Variants in COL5A2 observed in about 807,000 individuals in gnomAD.
COL5A2 encodes collagen alpha-2(V) chain.
A neutral mutation model predicts 208.2 loss-of-function variants in COL5A2; 23 were observed. The observed-to-expected ratio is 0.11, with a 90% CI of 0.08 to 0.16. The LOEUF (loss-of-function observed/expected upper bound fraction) is 0.16. COL5A2 is among the 10% of genes least tolerant of loss of function. COL5A2 has a pLI of 1.00. For synonymous variants in COL5A2, 625 were observed against 628.5 expected, an observed-to-expected ratio of 0.99 and a Z score of 0.08; for missense variants, 1,590 against 1,956.4, an observed-to-expected ratio of 0.81 and a Z score of 3.53.
At chr2:189,225,585 C>T (rs1456933652), upstream of COL5A2, among the ~76,000 whole-genome samples, 3 of 151,926 alleles carry the variant, frequency 2.0e-5, no homozygotes, top group East Asian at 5.8e-4. Flanking sequence ...GTTTCATTTT[C>T]CCATTTATAA....
At chr2:189,327,566 A>G in the COL5A2 span, among the ~76,000 whole-genome samples, 10 of 152,338 alleles carry the variant, frequency 6.6e-5, no homozygotes, top group Admixed American at 3.3e-4. Context: ...TCAATGGTCT[A>G]TGGTGCTTCC....
At chr2:189,281,297 T>A in the COL5A2 span, among the ~76,000 whole-genome samples, 2 of 152,126 alleles carry the variant, frequency 1.3e-5, no homozygotes, top group Non-Finnish European at 2.9e-5. Flanking sequence ...GTCAAAACAG[T>A]TCATCATAAG....
chr2:189,072,873 T>C lies in COL5A2; in HGVS notation c.1105-780A>G, dbSNP rs76325531. On this transcript the variant is annotated intron_variant, in intron 17 of 53. Coordinates refer to ENST00000374866, the MANE Select transcript of COL5A2 (RefSeq NM_000393.5). Reference sequence around the variant, plus strand: ...TACCCTACATTTGGGAAGGCATGCATAGAATTTAAACCATTGATTAAAAGA... The same window carrying C: ...TACCCTACATTTGGGAAGGCATGCACAGAATTTAAACCATTGATTAAAAGA... Among the ~76,000 whole-genome samples the C allele has an allele frequency of 9.1e-3, 1,386 of 151,618 alleles. 23 individuals are homozygous for C. Among genetic ancestry groups the C allele is most frequent in the African/African-American group, 0.032 (1,303 of 41,324 alleles).
chr2:189,249,578 G>C, the COL5A2 span, among the ~76,000 whole-genome samples: 1 of 152,140 alleles, frequency 6.6e-6, no homozygotes, highest in Admixed American at 6.5e-5. Flanking sequence ...TGATTATCTT[G>C]ATTGAGTAAT....
chr2:189,373,108 C>A, the COL5A2 span, among the ~76,000 whole-genome samples: 4 of 152,154 alleles, frequency 2.6e-5, no homozygotes, highest in Non-Finnish European at 5.9e-5. Flanking sequence ...TGTTCTGGAT[C>A]ATTTCATGGC....
chr2:189,259,266 A>G, the COL5A2 span, among the ~76,000 whole-genome samples: 1,075 of 152,278 alleles, frequency 7.1e-3, 16 homozygotes, highest in African/African-American at 0.024. Flanking sequence ...AAAAACAAAA[A>G]TGTGACTGAG....
At chr2:189,038,790 T>C (rs996868249) in intron 51 of COL5A2, among the ~76,000 whole-genome samples, 49 of 152,086 alleles carry the variant, frequency 3.2e-4, no homozygotes, top group Admixed American at 2.6e-3. Flanking sequence ...CCTGGGTTCA[T>C]GCCACTCTCC....
At chr2:189,185,926 A>G (rs2105839592) in intron 1 of COL5A2, among the ~76,000 whole-genome samples, 1 of 152,346 alleles carries the variant, frequency 6.6e-6, no homozygotes, top group East Asian at 1.9e-4. Flanking sequence ...CTAAGCAAGG[A>G]GGAGAAACTA....
chr2:189,194,219 A>G (rs1368580082), intron 1 of COL5A2, among the ~76,000 whole-genome samples: 1 of 152,136 alleles, frequency 6.6e-6, no homozygotes, highest in East Asian at 1.9e-4. Flanking sequence ...GCTCTACACT[A>G]TGGTCCAAGC....
At chr2:189,290,761 T>G in the COL5A2 span, among the ~76,000 whole-genome samples, 1 of 68,240 alleles carries the variant, frequency 1.5e-5, no homozygotes, top group Admixed American at 1.5e-4. Context: ...CACACATTAT[T>G]ATATACAGGG....
chr2:189,309,979 T>C, the COL5A2 span, among the ~76,000 whole-genome samples: 82 of 152,210 alleles, frequency 5.4e-4, no homozygotes, highest in Non-Finnish European at 8.5e-4. Flanking sequence ...AGTATTTCTC[T>C]ATGACTAAAA....
chr2:189,120,772 G>A (rs1378575011), intron 1 of COL5A2, among the ~76,000 whole-genome samples: 1 of 152,164 alleles, frequency 6.6e-6, no homozygotes, highest in Non-Finnish European at 1.5e-5. Flanking sequence ...TAAGGCCACA[G>A]TTTAGAGATC....
chr2:189,392,046 C>T, the COL5A2 span, among the ~76,000 whole-genome samples: 1 of 151,942 alleles, frequency 6.6e-6, no homozygotes, highest in Non-Finnish European at 1.5e-5. Context: ...GATAATATTC[C>T]TTTATTCTCA....
chr2:189,301,142 A>G, the COL5A2 span, among the ~76,000 whole-genome samples: 1 of 152,052 alleles, frequency 6.6e-6, no homozygotes, highest in Non-Finnish European at 1.5e-5. Flanking sequence ...AGCCATGATC[A>G]TGCCACTTCA....
chr2:189,061,033 A>T (rs1686019757), intron 30 of COL5A2, among the ~76,000 whole-genome samples: 1 of 152,146 alleles, frequency 6.6e-6, no homozygotes, highest in African/African-American at 2.4e-5. Flanking sequence ...AAAAAGAGAT[A>T]ATGTAACAGG....
chr2:189,083,882 T>C (rs1216199424), intron 12 of COL5A2, 102 bp downstream of exon 12: 1 of 865,500 alleles, frequency 1.2e-6, no homozygotes, highest in African/African-American at 1.7e-5. Context: ...GCTGTTTGTC[T>C]CCATTTACTT....
chr2:189,173,301 A>C (rs962265134), intron 1 of COL5A2, among the ~76,000 whole-genome samples: 4 of 152,272 alleles, frequency 2.6e-5, no homozygotes, highest in Admixed American at 2.6e-4. Flanking sequence ...GGCAAGATTT[A>C]GATAGGAATA....
At chr2:189,137,799 T>C (rs1687854864) in intron 1 of COL5A2, among the ~76,000 whole-genome samples, 1 of 152,126 alleles carries the variant, frequency 6.6e-6, no homozygotes, top group South Asian at 2.1e-4. Context: ...GCATAAATGA[T>C]GTGTGCCTAG....
At chr2:189,226,026 T>C (rs1211738557), upstream of COL5A2, among the ~76,000 whole-genome samples, 1 of 152,192 alleles carries the variant, frequency 6.6e-6, no homozygotes. Flanking sequence ...CTTTACAAAA[T>C]TGGAAAACAA....
Sources: gnomAD v4.1 joint callset for allele counts (sites outside exome capture counted in the v4.1 genomes callset) on GRCh38, gnomAD v4.1.1 for gene constraint, MANE v1.5 for transcripts, NCBI Gene and HGNC (gene_info 2026-07-23, HGNC 2026-07-21) for gene names.